Variants in NRXN2 observed in about 807,000 individuals in gnomAD.
NRXN2 encodes neurexin 2.
A neutral mutation model predicts 128.8 loss-of-function variants in NRXN2; 29 were observed. The ratio of observed to expected loss-of-function variants is 0.23; its 90% CI spans 0.17 to 0.31. The LOEUF is 0.31. Among genes scored for constraint, NRXN2 ranks in the 10% least tolerant of loss-of-function variants. NRXN2 has a pLI of 1.00. For missense variants in NRXN2, 1,881 were observed against 2,452.6 expected (o/e 0.77, Z 4.92); for synonymous variants, 1,098 against 1,075.2 (o/e 1.02, Z -0.41).
At chr11:64,627,776 T>C (rs763384344) in intron 19 of NRXN2, among the ~76,000 whole-genome samples, 1 of 152,158 alleles carries the variant, frequency 6.6e-6, no homozygotes, top group Non-Finnish European at 1.5e-5. Flanking sequence ...CTGATTTCCT[T>C]TGAGAATCTG....
chr11:64,685,923 A>C lies in NRXN2; in HGVS notation c.875T>G (p.Phe292Cys). 6.2e-7 allele frequency: 1 copy of C among 1,614,096 alleles called. No individual in the cohort carries two copies. Among genetic ancestry groups the C allele is most frequent in the Non-Finnish European group, 8.5e-7 (1 of 1,180,016 alleles). ...GTAGCAGAAGAACTCATTGCCTTTG[A>C]AGGTCGCCACAAACTCCTCCTTGCC... ...TKGKEEFVAT[F>C]KGNEFFCYDL... The change falls in exon 6 of 23, where the codon TTC (phenylalanine) becomes TGC (cysteine). Residue 292 changes from phenylalanine to cysteine, a missense_variant. By Grantham distance (205) the Phe-to-Cys change is radical. Coordinates refer to ENST00000265459, the MANE Select transcript of NRXN2 (RefSeq NM_015080.4).
chr11:64,676,770 C>G, intron 7 of NRXN2: 1 of 600,138 alleles, frequency 1.7e-6, no homozygotes, highest in South Asian at 2.1e-5. Context: ...TCCTCGATTT[C>G]CATTTGTCTT....
chr11:64,682,123 C>A (rs1463484161), intron 6 of NRXN2, among the ~76,000 whole-genome samples: 2 of 151,556 alleles, frequency 1.3e-5, no homozygotes, highest in Non-Finnish European at 2.9e-5. Flanking sequence ...CTTGGGGACT[C>A]CATTCTTGGG....
chr11:64,635,273 T>A lies in NRXN2; in HGVS notation c.3583A>T (p.Ile1195Phe). ...GGGTTGGGGCCCAGGGTCCTTACGA[T>A]GTGCAGCTGCAGGTAGTCTCCAAGG... is the stretch of plus-strand genomic sequence containing the variant. ...SGLGDYLQLH[I>F]DQGTVGVIFN... Residue 1195 changes from isoleucine (I) to phenylalanine (F), a missense_variant and splice_region_variant, in exon 18 of 23, where the codon ATC (isoleucine) becomes TTC (phenylalanine). By Grantham distance (21) the Ile-to-Phe change is conservative (BLOSUM62 0). Around this residue, in one of 7 missense-constraint regions of NRXN2, gnomAD observed 390 missense variants for 599.6 expected, o/e 0.65. Transcript: ENST00000265459. The surrounding 1 kb of genome is among the most constrained non-coding windows in gnomAD (Gnocchi z 4.8). The A allele has an allele frequency of 6.2e-7, 1 of 1,612,466 alleles. No homozygotes were observed. The highest frequency in any genetic ancestry group is 8.5e-7 in the Non-Finnish European group (1 of 1,179,908).
intron 17 of NRXN2, among the ~76,000 whole-genome samples, chr11:64,636,307 G>C (rs973447146): frequency 6.6e-6 from 1 of 151,720 alleles, no homozygotes; most frequent in Non-Finnish European, 1.5e-5. Context: ...CCGGCTGCTG[G>C]GGGCGGGTGT....
Position 64,607,828 on chromosome 11 carries a change from A to T in NRXN2, c.4507T>A (p.Ser1503Thr). Residue 1503 changes from serine to threonine, a missense_variant, in exon 23 of 23, where the codon TCC becomes ACC. By Grantham distance (58) the Ser-to-Thr change is moderately conservative. Around this residue, in one of 7 missense-constraint regions of NRXN2, gnomAD observed 310 missense variants for 318.2 expected, o/e 0.97. Coordinates refer to ENST00000265459, the MANE Select transcript of NRXN2 (RefSeq NM_015080.4). The part of the protein sequence containing the change: ...SGFASGEVFD[S>T]SLPPTDDEDF... The stretch of plus-strand genomic sequence containing the variant: ...TCGTCGTCCGTGGGGGGGAGGCTGG[A>T]GTCAAAGACCTCCCCGGAGGCGAAG... 1 of 1,602,002 alleles carries T rather than the reference A, an allele frequency of 6.2e-7. No individual in the cohort carries two copies. Among genetic ancestry groups the T allele is most frequent in the Non-Finnish European group, 8.5e-7 (1 of 1,174,952 alleles).
intron 22 of NRXN2, 65 bp downstream of exon 22, chr11:64,620,229 A>G: frequency 7.6e-7 from 1 of 1,316,184 alleles, no homozygotes; most frequent in Non-Finnish European, 1.1e-6. Context: ...TGGCAGGGAC[A>G]GTCGCCCCCC....
rs934229765 is a variant in NRXN2 at position 64,632,233 on chromosome 11, T to TA, written c.3586-1661_3586-1660insT. On this transcript the variant is annotated intron_variant, in intron 18 of 22. Coordinates refer to ENST00000265459, the MANE Select transcript of NRXN2 (RefSeq NM_015080.4). This position sits in a 1 kb window ranked among gnomAD's most constrained non-coding sequence, Gnocchi z 4.2. ...CTTGTGGGGTCCAGTTGTCTCCTTC[T>TA]CAGAACCTGGGAAAACCACATACAT... Among the ~76,000 whole-genome samples, 1 of 152,168 alleles carries TA rather than the reference T, an allele frequency of 6.6e-6. No homozygotes were observed. The highest frequency in any genetic ancestry group is 2.4e-5 in the African/African-American group (1 of 41,434).
At chr11:64,682,826 T>G (rs1152630) in intron 6 of NRXN2, among the ~76,000 whole-genome samples, 2 of 152,132 alleles carry the variant, frequency 1.3e-5, no homozygotes. Context: ...GAGACACCTC[T>G]GGTCACAGTG....
chr11:64,652,082 C>T lies in NRXN2; in HGVS notation c.2489G>A (p.Arg830Gln). The part of the protein sequence containing the change: ...DNEWHTVRVV[R>Q]RGKSLQLSVD... ...AGACAGCTGCAGGCTCTTGCCACGC[C>T]GGACCACCCTCACCGTGTGCCACTC... The change falls in exon 13 of 23, where the codon CGG (arginine) becomes CAG (glutamine). Residue 830 changes from arginine (R) to glutamine (Q), a missense_variant. Physicochemically the swap from Arg to Gln is conservative, Grantham distance 43. Coordinates refer to ENST00000265459, the MANE Select transcript of NRXN2 (RefSeq NM_015080.4). 2.5e-6 allele frequency: 4 copies of T among 1,613,392 alleles called. No homozygotes were observed. Among genetic ancestry groups the T allele is most frequent in the Non-Finnish European group, 3.4e-6 (4 of 1,179,980 alleles).
chr11:64,676,912 G>A, intron 7 of NRXN2, 81 bp downstream of exon 7: 1 of 1,166,234 alleles, frequency 8.6e-7, no homozygotes, highest in African/African-American at 1.5e-5. Context: ...CAAACAGGGA[G>A]AGGAAACAAA....
intron 1 of NRXN2, among the ~76,000 whole-genome samples, chr11:64,717,662 C>T (rs1226042751): frequency 1.3e-5 from 2 of 152,260 alleles, no homozygotes; most frequent in African/African-American, 4.8e-5. Context: ...GCCACTGAAG[C>T]CTCTGGGCTG....
intron 17 of NRXN2, among the ~76,000 whole-genome samples, chr11:64,644,811 G>C (rs1394257354): frequency 6.6e-6 from 1 of 152,026 alleles, no homozygotes; most frequent in African/African-American, 2.4e-5. Flanking sequence ...GGCTGGGAGA[G>C]AGGAGGCTGG....
intron 17 of NRXN2, among the ~76,000 whole-genome samples, chr11:64,644,646 A>G (rs547471455): frequency 6.6e-6 from 1 of 151,948 alleles, no homozygotes; most frequent in South Asian, 2.1e-4. Context: ...CGGACAGGGG[A>G]GAGGGTGGGA....
At chr11:64,689,799 C>T (rs146907547) in intron 5 of NRXN2, among the ~76,000 whole-genome samples, 2 of 152,178 alleles carry the variant, frequency 1.3e-5, no homozygotes, top group East Asian at 1.9e-4. Context: ...ACAAGGATGG[C>T]GGAAATCCAG....
chr11:64,672,468 C>A (rs139704364), intron 7 of NRXN2, among the ~76,000 whole-genome samples: 38 of 152,264 alleles, frequency 2.5e-4, no homozygotes, highest in Admixed American at 7.8e-4. Flanking sequence ...GGGACTTAAT[C>A]TGGGGAGAAC....
chr11:64,721,099 T>C (rs1360539130), intron 1 of NRXN2, among the ~76,000 whole-genome samples: 1 of 149,418 alleles, frequency 6.7e-6, no homozygotes. Flanking sequence ...GGGTGGGGAG[T>C]GTGGGCTGTA....
chr11:64,664,152 T>G (rs1164081631), intron 9 of NRXN2, among the ~76,000 whole-genome samples: 1 of 152,148 alleles, frequency 6.6e-6, no homozygotes, highest in African/African-American at 2.4e-5. Flanking sequence ...AATATAAGTG[T>G]ACTTAACATC....
chr11:64,667,204 G>T lies in NRXN2; in HGVS notation c.1798+46C>A. 6.3e-7 allele frequency: 1 copy of T among 1,594,384 alleles called. No homozygotes were observed. Among genetic ancestry groups the T allele is most frequent in the Non-Finnish European group, 8.6e-7 (1 of 1,162,924 alleles). ...GACGGAGAGGATGTCAGGGCAGATG[G>T]AAAGGGGTGGCCCATGGAAGGGGAA... On this transcript the variant is annotated intron_variant, in intron 9 of 22. Transcript: ENST00000265459. This position sits in a 1 kb window ranked among gnomAD's most constrained non-coding sequence, Gnocchi z 5.6.
Sources: allele counts gnomAD v4.1 joint callset (sites outside exome capture counted in the v4.1 genomes callset), GRCh38; gene constraint gnomAD v4.1.1; regional missense constraint gnomAD v4.1.1; non-coding constraint Gnocchi (gnomAD v3.1); transcripts MANE v1.5; gene names NCBI Gene and HGNC (gene_info 2026-07-23, HGNC 2026-07-21).